Variants in MBTPS1 observed in about 807,000 individuals in gnomAD.
The protein encoded by MBTPS1 is membrane-bound transcription factor site-1 protease.
MBTPS1 carries 94 observed loss-of-function variants against 127.8 expected under a neutral mutation model. That is an observed-to-expected ratio of 0.74 (90% CI 0.62 to 0.87). The LOEUF (loss-of-function observed/expected upper bound fraction) is 0.87. Among genes scored for constraint, MBTPS1 ranks in the 40% least tolerant of loss-of-function variants. The pLI, the probability that MBTPS1 is intolerant of heterozygous loss-of-function variation, is 0.00. For synonymous variants in MBTPS1, 632 were observed against 509.4 expected (o/e 1.24, Z -3.24); for missense variants, 1,636 against 1,353.2 (o/e 1.21, Z -3.28).
intron 18 of MBTPS1, among the ~76,000 whole-genome samples, chr16:84,064,138 C>T (rs2085649767): frequency 6.6e-6 from 1 of 151,930 alleles, no homozygotes; most frequent in Admixed American, 6.6e-5. Context: ...GGAGTCTCTG[C>T]CCCTAATTCA....
At chr16:84,091,087 C>G (rs1047659052) in intron 7 of MBTPS1, 145 bp from the exon 8 acceptor site, 2 of 681,742 alleles carry the variant, frequency 2.9e-6, no homozygotes, top group African/African-American at 3.6e-5. Context: ...GTGCTGGCAA[C>G]TTGCATTTTT....
At chr16:84,102,620 T>C (rs1475404171) in intron 1 of MBTPS1, among the ~76,000 whole-genome samples, 1 of 152,236 alleles carries the variant, frequency 6.6e-6, no homozygotes. Flanking sequence ...TCAGATTCTG[T>C]ATTTCCTATC....
intron 1 of MBTPS1, among the ~76,000 whole-genome samples, chr16:84,104,089 C>T (rs2086292441): frequency 1.3e-5 from 2 of 152,180 alleles, no homozygotes; most frequent in South Asian, 4.1e-4. Context: ...AAAATAATGA[C>T]ATGAAGCATG....
chr16:84,078,661 T>A (rs988534447), intron 11 of MBTPS1, among the ~76,000 whole-genome samples: 1 of 152,226 alleles, frequency 6.6e-6, no homozygotes, highest in Admixed American at 6.5e-5. Flanking sequence ...AAAGCCCATA[T>A]GTAGACAAGT....
chr16:84,113,954 C>T (rs995302167), intron 1 of MBTPS1, among the ~76,000 whole-genome samples: 1 of 149,356 alleles, frequency 6.7e-6, no homozygotes, highest in South Asian at 2.2e-4. Flanking sequence ...AGGTGTCTTC[C>T]CTTTTTTTTT....
chr16:84,066,547 C>A lies in MBTPS1; in HGVS notation c.2295G>T (p.Trp765Cys), dbSNP rs1184885248. The change falls in exon 17 of 23, where the codon TGG becomes TGT. Residue 765 changes from tryptophan (W) to cysteine (C), a missense_variant. Trp to Cys is a radical substitution (Grantham distance 215). Coordinates refer to ENST00000343411, the MANE Select transcript of MBTPS1 (RefSeq NM_003791.4). ...IPALNELLSVWNMGFSDGLYE... is the reference protein window; with the variant it reads ...IPALNELLSVCNMGFSDGLYE... Reference sequence around the variant, plus strand: ...ACAGGCCATCGCTGAACCCCATGTTCCACACAGACAGCAGCTCATTCAGAG... The same window carrying A: ...ACAGGCCATCGCTGAACCCCATGTTACACACAGACAGCAGCTCATTCAGAG... The A allele has an allele frequency of 6.2e-7, 1 of 1,614,206 alleles. No homozygotes were observed. The highest frequency in any genetic ancestry group is 8.5e-7 in the Non-Finnish European group (1 of 1,180,020).
chr16:84,077,447 T>G (rs1410961811), intron 11 of MBTPS1, among the ~76,000 whole-genome samples: 1 of 152,078 alleles, frequency 6.6e-6, no homozygotes, highest in Admixed American at 6.6e-5. Flanking sequence ...ATAATACATA[T>G]GAAAACTTAG....
At chr16:84,072,070 T>C (rs369205274) in intron 12 of MBTPS1, 11 of 152,120 alleles carry the variant, frequency 7.2e-5, no homozygotes, top group African/African-American at 2.4e-4. Context: ...AATAGCCAAA[T>C]GCCCAGCAAG....
intron 3 of MBTPS1, among the ~76,000 whole-genome samples, chr16:84,097,854 GTGTGTGTGTGTGTGTGTT>G (rs1423626522): frequency 9.9e-5 from 15 of 151,580 alleles, no homozygotes; most frequent in African/African-American, 3.1e-4. Flanking sequence ...GTGTGTGTGT[GTGTGTGTGTGTGTGTGTT>G]TGTGTGTGTG....
intron 1 of MBTPS1, among the ~76,000 whole-genome samples, chr16:84,114,193 C>T (rs1240715184): frequency 2.0e-5 from 3 of 152,024 alleles, no homozygotes; most frequent in Non-Finnish European, 4.4e-5. Context: ...AATCTCCTGA[C>T]CTCGTGATCT....
intron 12 of MBTPS1, among the ~76,000 whole-genome samples, chr16:84,073,414 G>C (rs570760482): frequency 6.6e-6 from 1 of 152,158 alleles, no homozygotes; most frequent in Non-Finnish European, 1.5e-5. Flanking sequence ...TTACAGGCTT[G>C]AGCCAACACG....
intron 7 of MBTPS1, 45 bp from the exon 8 acceptor site, chr16:84,090,987 A>C (rs762026708): frequency 7.9e-7 from 1 of 1,266,898 alleles, no homozygotes; most frequent in South Asian, 1.3e-5. Flanking sequence ...CTTTCATTAA[A>C]CATATAACTG....
intron 6 of MBTPS1, among the ~76,000 whole-genome samples, chr16:84,092,855 T>C (rs1417112025): frequency 6.6e-6 from 1 of 152,174 alleles, no homozygotes; most frequent in African/African-American, 2.4e-5. Flanking sequence ...TCTGCAATTG[T>C]TCTGTTCTAT....
At chr16:84,074,808 A>G (rs2085829088) in intron 11 of MBTPS1, 67 bp from the exon 12 acceptor site, 1 of 1,439,638 alleles carries the variant, frequency 6.9e-7, no homozygotes, top group South Asian at 1.3e-5. Flanking sequence ...ACACAACTGT[A>G]CAAGACAGAG....
chr16:84,095,208 T>C (rs967302032), intron 4 of MBTPS1, among the ~76,000 whole-genome samples: 1 of 152,220 alleles, frequency 6.6e-6, no homozygotes, highest in Non-Finnish European at 1.5e-5. Context: ...AGGGACCATC[T>C]TTCCCCAAGA....
chr16:84,091,699 C>A, intron 7 of MBTPS1, 33 bp downstream of exon 7: 2 of 1,471,774 alleles, frequency 1.4e-6, no homozygotes, highest in South Asian at 2.3e-5. Flanking sequence ...CAGGAGCTGT[C>A]ACCCAAACCC....
chr16:84,063,407 T>C lies in MBTPS1; in HGVS notation c.2470A>G (p.Asn824Asp). ...TGATAAAGTCCCAAAATGGGGACGT[T>C]TTCAACAACTGCTGTTTCCTGCTTT... Reference protein sequence around the residue: ...VLKQETAVVENVPILGLYQIP... With the variant: ...VLKQETAVVEDVPILGLYQIP... The change falls in exon 19 of 23, where the codon AAC becomes GAC. Residue 824 changes from asparagine (N) to aspartate (D), a missense_variant. By Grantham distance (23) the Asn-to-Asp change is conservative (BLOSUM62 1). Coordinates refer to ENST00000343411, the MANE Select transcript of MBTPS1 (RefSeq NM_003791.4). 6.2e-7 allele frequency: 1 copy of C among 1,614,160 alleles called. No individual in the cohort carries two copies. The highest frequency in any genetic ancestry group is 8.5e-7 in the Non-Finnish European group (1 of 1,180,000).
At position 84,087,473 on chromosome 16, in the gene MBTPS1, C is replaced by CAAA; in HGVS notation, c.1032-16_1032-14dup. 51 of 1,036,124 alleles carry CAAA rather than the reference C, an allele frequency of 4.9e-5. No individual in the cohort carries two copies. Among genetic ancestry groups the CAAA allele is most frequent in the African/African-American group, 9.3e-5 (5 of 53,950 alleles). 64.2% of individuals were successfully genotyped at this position (1,036,124 alleles called of 1,614,324 possible). On this transcript the variant is annotated splice_polypyrimidine_tract_variant and intron_variant, in intron 8 of 22. Transcript: ENST00000343411. ...GTTATTCAGAGTGCTATATTGAGAC[C>CAAA]AAAAAAAAAAAAAAAGAAAAGAAAA...
chr16:84,060,440 C>T (rs972348557), intron 20 of MBTPS1: 8 of 451,640 alleles, frequency 1.8e-5, no homozygotes, highest in African/African-American at 5.9e-5. Context: ...GCGTGAGGGT[C>T]GGGGTGCACG....
Sources: allele counts gnomAD v4.1 joint callset (sites outside exome capture counted in the v4.1 genomes callset), GRCh38; gene constraint gnomAD v4.1.1; transcripts MANE v1.5; gene names NCBI Gene and HGNC (gene_info 2026-07-23, HGNC 2026-07-21).